Variants in CHM observed in about 807,000 individuals in gnomAD.
CHM encodes CHM Rab escort protein, also known as rab proteins geranylgeranyltransferase component A 1.
In CHM, 10 loss-of-function variants were observed where a neutral mutation model predicts 49.0. That is an observed-to-expected ratio of 0.20 (90% CI 0.13 to 0.35). The LOEUF (loss-of-function observed/expected upper bound fraction) is 0.35, where lower values mean the gene tolerates loss of function less well. Ranked by LOEUF, CHM falls within the 10% of genes least tolerant of loss-of-function variation. The pLI, the probability that CHM is intolerant of heterozygous loss-of-function variation, is 1.00. For synonymous variants in CHM, 184 were observed against 167.5 expected (o/e 1.10, Z -0.76); for missense variants, 455 against 478.4 (o/e 0.95, Z 0.46).
chrX:86,009,529 C>G (rs1932969590), intron 2 of CHM, among the ~76,000 whole-genome samples: 1 of 112,236 alleles, frequency 8.9e-6, no homozygotes, highest in Admixed American at 9.4e-5. Context: ...TATATAAACA[C>G]AAAATGTTTA....
rs752166254 is a variant in CHM at position 85,906,719 on chromosome X, T to C, written c.1244+4542A>G. Among the ~76,000 whole-genome samples the C allele has an allele frequency of 5.3e-5, 6 of 112,296 alleles. No individual in the cohort carries two copies. The South Asian group carries it at 1.9e-3, about 35-fold the overall frequency. ...CGTTAAGTATCCAGAATATGACCACTACCATTTTGCAAGCAGGCCATGCTA... is the reference window on the plus strand; with the variant it reads ...CGTTAAGTATCCAGAATATGACCACCACCATTTTGCAAGCAGGCCATGCTA... On this transcript the variant is annotated intron_variant, in intron 9 of 14. Transcript: ENST00000357749.
intron 14 of CHM, among the ~76,000 whole-genome samples, chrX:85,871,143 T>C (rs751579664): frequency 3.6e-4 from 38 of 105,466 alleles, no homozygotes; most frequent in African/African-American, 1.1e-3. Flanking sequence ...AAACCCCGTC[T>C]CTACTAAAAA....
chrX:86,021,127 TA>T (rs1933564628), intron 2 of CHM, among the ~76,000 whole-genome samples: 1 of 8,179 alleles, frequency 1.2e-4, no homozygotes, highest in Non-Finnish European at 1.8e-4. Flanking sequence ...TGTATATACG[TA>T]TATATATATA....
At chrX:86,005,032 A>C (rs1455353258) in intron 2 of CHM, among the ~76,000 whole-genome samples, 2 of 112,200 alleles carry the variant, frequency 1.8e-5, no homozygotes, top group Non-Finnish European at 1.9e-5. Flanking sequence ...TCCTCAGCAA[A>C]TGTAAAAGAA....
chrX:86,012,687 G>A (rs758220112), intron 2 of CHM, among the ~76,000 whole-genome samples: 4 of 111,339 alleles, frequency 3.6e-5, no homozygotes, highest in Admixed American at 9.6e-5. Flanking sequence ...TACTGTTGTT[G>A]GCAAATTCTT....
In CHM at chrX:85,963,181, C is replaced by T. The variant is rs189912599; in HGVS notation, c.702+484G>A. Among the ~76,000 whole-genome samples the T allele has an allele frequency of 4.5e-5, 5 of 111,496 alleles. No homozygotes were observed. The East Asian group carries it at 8.4e-4, about 19-fold the overall frequency. On this transcript the variant is annotated intron_variant, in intron 5 of 14. Coordinates refer to ENST00000357749, the MANE Select transcript of CHM (RefSeq NM_000390.4). ...CTCCTAATGCTATCCCTTCCCTAAC[C>T]CCCAACCCCGACAGGCCCTGGTGTG...
intron 9 of CHM, among the ~76,000 whole-genome samples, chrX:85,908,040 T>C (rs189674188): frequency 3.4e-4 from 38 of 111,520 alleles, no homozygotes; most frequent in African/African-American, 1.1e-3. Flanking sequence ...AAGTAGTTCT[T>C]AACTGTCCTA....
At chrX:85,948,886 T>G (rs1929563136) in intron 8 of CHM, among the ~76,000 whole-genome samples, 1 of 111,904 alleles carries the variant, frequency 8.9e-6, no homozygotes, top group Non-Finnish European at 1.9e-5. Context: ...GAAGAGAATC[T>G]AATATAAAAC....
intron 9 of CHM, 132 bp downstream of exon 9, chrX:85,911,129 G>GTATATATATATATA (rs763538907): frequency 4.3e-4 from 3 of 6,907 alleles, no homozygotes; most frequent in Admixed American, 5.9e-3. Flanking sequence ...GTGTGTATAT[G>GTATATATATATATA]TATATATATA....
At chrX:85,872,577 T>C (rs1442933168) in intron 14 of CHM, among the ~76,000 whole-genome samples, 1 of 111,944 alleles carries the variant, frequency 8.9e-6, no homozygotes, top group Non-Finnish European at 1.9e-5. Flanking sequence ...AAAACTACGC[T>C]ATAACTTATT....
chrX:85,883,391 A>G (rs1372596319), intron 12 of CHM, among the ~76,000 whole-genome samples: 1 of 111,515 alleles, frequency 9.0e-6, no homozygotes, highest in Non-Finnish European at 1.9e-5. Context: ...GACTGTATCA[A>G]TAAAACAGAG....
At position 85,957,932 on chromosome X, in the gene CHM, G is replaced by T; in HGVS notation, c.863C>A (p.Thr288Asn). ...CATTAGCATTCGCTTTTCTACCATA[G>T]TAAGTTGTTTGCTATTAAAGACATC... ...RADVFNSKQL[T>N]MVEKRMLMKF... The change falls in exon 7 of 15, where the codon ACT becomes AAT. Residue 288 changes from threonine (T) to asparagine (N), a missense_variant. Transcript: ENST00000357749. 1.7e-6 allele frequency: 2 copies of T among 1,210,683 alleles called. No homozygotes were observed. The highest frequency in any genetic ancestry group is 2.2e-6 in the Non-Finnish European group (2 of 894,883).
chrX:85,985,595 C>G (rs1931861345), intron 2 of CHM, among the ~76,000 whole-genome samples: 1 of 112,033 alleles, frequency 8.9e-6, no homozygotes, highest in South Asian at 3.7e-4. Flanking sequence ...GAACCTCAAT[C>G]CCATTCCTCC....
At chrX:85,971,646 T>C (rs1025948547) in intron 4 of CHM, 6 of 247,075 alleles carry the variant, frequency 2.4e-5, no homozygotes, top group East Asian at 1.6e-4. Context: ...GCCTCCACAG[T>C]GTGGAAGGGG....
At chrX:85,930,213 T>C (rs964664553) in intron 8 of CHM, among the ~76,000 whole-genome samples, 2 of 112,229 alleles carry the variant, frequency 1.8e-5, no homozygotes, top group Non-Finnish European at 3.8e-5. Context: ...ACAAAACTCA[T>C]ATGGCTATCA....
At chrX:85,895,253 A>C (rs1395460341) in intron 11 of CHM, among the ~76,000 whole-genome samples, 1 of 104,888 alleles carries the variant, frequency 9.5e-6, no homozygotes, top group Non-Finnish European at 1.9e-5. Flanking sequence ...CTCATGCCTC[A>C]GCCTCCCAAG....
At chrX:85,952,220 G>A (rs1929785704) in intron 8 of CHM, among the ~76,000 whole-genome samples, 1 of 111,080 alleles carries the variant, frequency 9.0e-6, no homozygotes, top group African/African-American at 3.3e-5. Context: ...ATGACCTAGG[G>A]AGAAACAGCC....
At chrX:85,949,722 C>A (rs1253004391) in intron 8 of CHM, among the ~76,000 whole-genome samples, 1 of 108,678 alleles carries the variant, frequency 9.2e-6, no homozygotes, top group African/African-American at 3.4e-5. Context: ...AAATTTATAA[C>A]GTTCCCACCT....
chrX:85,910,237 G>A, intron 9 of CHM, among the ~76,000 whole-genome samples: 1 of 111,374 alleles, frequency 9.0e-6, no homozygotes, highest in Non-Finnish European at 1.9e-5. Context: ...AATAGACATT[G>A]TATGCCACTT....
Sources: gnomAD v4.1 joint callset for allele counts (sites outside exome capture counted in the v4.1 genomes callset) on GRCh38, gnomAD v4.1.1 for gene constraint, MANE v1.5 for transcripts, NCBI Gene and HGNC (gene_info 2026-07-23, HGNC 2026-07-21) for gene names.